UBAC2: variants seen among roughly 807,000 people sequenced by gnomAD.
UBAC2 encodes the protein ubiquitin-associated domain-containing protein 2.
Under a neutral mutation model 44.0 loss-of-function variants are expected in UBAC2, and 26 were observed. That is an observed-to-expected ratio of 0.59 (90% confidence interval 0.43 to 0.82). The LOEUF is 0.82. UBAC2 is among the 40% of genes least tolerant of loss of function. The pLI is 0.00. For synonymous variants in UBAC2, 155 were observed against 154.3 expected, an observed-to-expected ratio of 1.00 and a Z score of -0.04; for missense variants, 329 against 419.4, an observed-to-expected ratio of 0.78 and a Z score of 1.88.
In UBAC2 at chr13:99,232,397, G is replaced by GATATATATATATATATATATATATATAT. The variant is rs768838568; in HGVS notation, c.32-6029_32-6028insTATATATATATATATATATATATATATA. Among the ~76,000 whole-genome samples the GATATATATATATATATATATATATATAT allele has an allele frequency of 3.6e-3, 293 of 82,178 alleles. 12 individuals carry two copies. Among genetic ancestry groups the GATATATATATATATATATATATATATAT allele is most frequent in the Non-Finnish European group, 6.4e-3 (210 of 32,832 alleles). 53.9% of individuals were successfully genotyped at this position (82,178 alleles called of 152,430 possible). On this transcript the variant is annotated intron_variant, in intron 1 of 8. Coordinates refer to ENST00000403766, the MANE Select transcript of UBAC2 (RefSeq NM_001144072.2). ...CAAGACCCTGTCCATCCTTAGTTGA[G>GATATATATATATATATATATATATATAT]AGATATAGATATATATATATATATT...
chr13:99,360,851 TG>T (rs2045255693), intron 7 of UBAC2, among the ~76,000 whole-genome samples: 1 of 152,226 alleles, frequency 6.6e-6, no homozygotes, highest in South Asian at 2.1e-4. Flanking sequence ...TTTCCATTTC[TG>T]GGTATCTTGC....
In UBAC2 at chr13:99,335,099, A is replaced by G. The variant is rs147274650; in HGVS notation, c.562-5221A>G. Among the ~76,000 whole-genome samples the G allele has an allele frequency of 4.3e-4, 65 of 152,392 alleles. No individual in the cohort carries two copies. In the East Asian group the frequency reaches 0.011, roughly 25 times the overall value. On this transcript the variant is annotated intron_variant, in intron 6 of 8. Coordinates refer to ENST00000403766, the MANE Select transcript of UBAC2 (RefSeq NM_001144072.2). ...AATAACAGCGTCCACAAACAGGAAC[A>G]GCTTCTAGATATATGAAGTTAAAAT...
At chr13:99,326,791 C>G (rs991544371) in intron 6 of UBAC2, among the ~76,000 whole-genome samples, 2 of 152,192 alleles carry the variant, frequency 1.3e-5, no homozygotes, top group African/African-American at 4.8e-5. Context: ...TCATCCATGT[C>G]TCTTCCAGCC....
chr13:99,287,643 CTTTTTTTTTT>C (rs11304203), intron 4 of UBAC2, among the ~76,000 whole-genome samples: 2 of 95,152 alleles, frequency 2.1e-5, no homozygotes, highest in South Asian at 3.9e-4. Flanking sequence ...TTTTTTCTTT[CTTTTTTTTTT>C]TTTTTTTTTT....
rs1289836797 is a variant in UBAC2 at position 99,301,942 on chromosome 13, G to GA, written c.390-12151dup. Among the ~76,000 whole-genome samples, 3 of 152,312 alleles carry GA rather than the reference G, an allele frequency of 2.0e-5. No individual in the cohort carries two copies. In the East Asian group the frequency reaches 5.8e-4, roughly 29 times the overall value. ...TTTAATAATCATCAACACCTTGAAT[G>GA]AAAAGGGGCTTACCTAGGAATTCTG... On this transcript the variant is annotated intron_variant, in intron 4 of 8. Transcript: ENST00000403766.
At chr13:99,379,882 TAAC>T (rs1258953903) in intron 8 of UBAC2, among the ~76,000 whole-genome samples, 4 of 152,206 alleles carry the variant, frequency 2.6e-5, no homozygotes, top group East Asian at 3.8e-4. Context: ...TTAGATATTT[TAAC>T]AACATTTTTA....
intron 4 of UBAC2, among the ~76,000 whole-genome samples, chr13:99,301,050 C>T (rs1380491322): frequency 6.6e-6 from 1 of 152,046 alleles, no homozygotes; most frequent in East Asian, 1.9e-4. Context: ...AGGGAAAAGC[C>T]CAAAGAAATG....
intron 4 of UBAC2, among the ~76,000 whole-genome samples, chr13:99,309,493 A>G (rs1461351679): frequency 6.6e-6 from 1 of 152,196 alleles, no homozygotes; most frequent in Non-Finnish European, 1.5e-5. Context: ...GAAGCTGTAT[A>G]TTAGATCATT....
At chr13:99,290,836 A>G (rs573916399) in intron 4 of UBAC2, among the ~76,000 whole-genome samples, 1 of 152,244 alleles carries the variant, frequency 6.6e-6, no homozygotes, top group South Asian at 2.1e-4. Context: ...AATCCCATGA[A>G]TGAGAGAAAA....
At chr13:99,312,564 T>C (rs897026401) in intron 4 of UBAC2, among the ~76,000 whole-genome samples, 1 of 152,150 alleles carries the variant, frequency 6.6e-6, no homozygotes, top group African/African-American at 2.4e-5. Context: ...TACCGTGACA[T>C]CCTTGGCACG....
At chr13:99,215,830 A>G (rs752547695) in intron 1 of UBAC2, 19 of 557,638 alleles carry the variant, frequency 3.4e-5, no homozygotes, top group Non-Finnish European at 5.4e-5. Flanking sequence ...CCCACCATCT[A>G]CTCCTTCATC....
intron 6 of UBAC2, among the ~76,000 whole-genome samples, chr13:99,332,700 CCTTTTTG>C (rs1368556144): frequency 2.6e-5 from 4 of 152,156 alleles, no homozygotes; most frequent in Non-Finnish European, 4.4e-5. Flanking sequence ...GCTCTTTGTT[CCTTTTTG>C]CTTTATCTGA....
chr13:99,272,079 C>T (rs1012871794), intron 4 of UBAC2, among the ~76,000 whole-genome samples: 5 of 152,174 alleles, frequency 3.3e-5, no homozygotes, highest in African/African-American at 1.2e-4. Flanking sequence ...CTCTAAAAGA[C>T]AGTGATCTTT....
chr13:99,292,511 G>T (rs2044104465), intron 4 of UBAC2, among the ~76,000 whole-genome samples: 2 of 152,108 alleles, frequency 1.3e-5, no homozygotes, highest in Admixed American at 1.3e-4. Flanking sequence ...TCTTTATAAA[G>T]TATGGGTGAC....
intron 7 of UBAC2, among the ~76,000 whole-genome samples, chr13:99,349,055 TGAGCTA>T (rs2045036928): frequency 6.6e-6 from 1 of 152,196 alleles, no homozygotes; most frequent in Non-Finnish European, 1.5e-5. Flanking sequence ...TTGTTGGTGA[TGAGCTA>T]GAGCATGCTT....
At chr13:99,213,805 CA>C (rs1462341054) in intron 1 of UBAC2, among the ~76,000 whole-genome samples, 1 of 152,114 alleles carries the variant, frequency 6.6e-6, no homozygotes, top group African/African-American at 2.4e-5. Flanking sequence ...ATTATAGAAT[CA>C]AAAGATAAGA....
intron 5 of UBAC2, 27 bp downstream of exon 5, chr13:99,314,247 T>C: frequency 6.4e-7 from 1 of 1,573,748 alleles, no homozygotes; most frequent in Non-Finnish European, 8.6e-7. Context: ...TATGTTCACT[T>C]TTCTTTAACC....
chr13:99,245,016 T>C (rs1401637429), intron 4 of UBAC2, among the ~76,000 whole-genome samples: 3 of 152,044 alleles, frequency 2.0e-5, no homozygotes, highest in Non-Finnish European at 4.4e-5. Context: ...TATTTTTTAG[T>C]AGAGACAGGG....
intron 7 of UBAC2, among the ~76,000 whole-genome samples, chr13:99,354,210 G>A (rs541700452): frequency 6.6e-6 from 1 of 152,334 alleles, no homozygotes; most frequent in Non-Finnish European, 1.5e-5. Context: ...ATTGGAGATA[G>A]GGGGTTGTAC....
Sources: gnomAD v4.1 joint callset for allele counts (sites outside exome capture counted in the v4.1 genomes callset) on GRCh38, gnomAD v4.1.1 for gene constraint, MANE v1.5 for transcripts, NCBI Gene and HGNC (gene_info 2026-07-23, HGNC 2026-07-21) for gene names.